The following KIF13A variants were observed in gnomAD, a reference collection of about 807,000 sequenced individuals.
KIF13A encodes the protein kinesin family member 13A, also known as kinesin-like protein KIF13A.
KIF13A carries 79 observed loss-of-function variants against 212.2 expected under a neutral mutation model. That is an observed-to-expected ratio of 0.37 (90% CI 0.31 to 0.45). KIF13A has a LOEUF of 0.45. Ranked by LOEUF, KIF13A falls within the 20% of genes least tolerant of loss-of-function variation. The pLI is 1.00. For synonymous variants in KIF13A, 789 were observed against 808.6 expected, an observed-to-expected ratio of 0.98 and a Z score of 0.41; for missense variants, 1,901 against 2,209.0, an observed-to-expected ratio of 0.86 and a Z score of 2.79.
chr6:17,873,072 G>C (rs977746441), intron 4 of KIF13A, among the ~76,000 whole-genome samples: 2 of 152,220 alleles, frequency 1.3e-5, no homozygotes, highest in African/African-American at 2.4e-5. Flanking sequence ...TCCTAGGAAA[G>C]CCTATGGTCA....
At chr6:17,851,885 A>G in intron 7 of KIF13A, 70 bp downstream of exon 7, 1 of 733,540 alleles carries the variant, frequency 1.4e-6, no homozygotes, top group Non-Finnish European at 2.1e-6. Flanking sequence ...CACATAAAAT[A>G]TACTCAGTAT....
In KIF13A at chr6:17,934,883, G is replaced by C. The variant is rs75321718; in HGVS notation, c.147-36703C>G. On this transcript the variant is annotated intron_variant, in intron 2 of 38. Transcript: ENST00000259711. This position sits in a 1 kb window ranked among gnomAD's most constrained non-coding sequence, Gnocchi z 5.4. ...GTAAAATGTGACTCAATTTTCACTA[G>C]TAATAACCAAACATATCAGTTTCAC... is the stretch of plus-strand genomic sequence containing the variant. Among the ~76,000 whole-genome samples the C allele has an allele frequency of 2.0e-5, 3 of 152,000 alleles. No individual in the cohort carries two copies. In the East Asian group the frequency reaches 5.8e-4, roughly 29 times the overall value.
intron 3 of KIF13A, among the ~76,000 whole-genome samples, chr6:17,878,877 A>C (rs916622766): frequency 2.0e-5 from 3 of 152,236 alleles, no homozygotes; most frequent in African/African-American, 4.8e-5. Flanking sequence ...ACTGATAGAT[A>C]CAACTGTTCT....
rs1774885379 is a variant in KIF13A, at chr6:17,919,762, A to T, written c.147-21582T>A. Reference sequence around the variant, plus strand: ...AGCCCAATACTGTGACAAGAGGTGAAAGCTGAGGGCAACCCAAGCCCCTTT... The same window carrying T: ...AGCCCAATACTGTGACAAGAGGTGATAGCTGAGGGCAACCCAAGCCCCTTT... On this transcript the variant is annotated intron_variant, in intron 2 of 38. Coordinates refer to ENST00000259711, the MANE Select transcript of KIF13A (RefSeq NM_022113.6). This position sits in a 1 kb window ranked among gnomAD's most constrained non-coding sequence, Gnocchi z 4.1. Among the ~76,000 whole-genome samples the T allele has an allele frequency of 6.6e-6, 1 of 152,210 alleles. No individual in the cohort carries two copies. The highest frequency in any genetic ancestry group is 2.4e-5 in the African/African-American group (1 of 41,454).
At chr6:17,806,305 T>C (rs188023342) in intron 18 of KIF13A, among the ~76,000 whole-genome samples, 3 of 152,320 alleles carry the variant, frequency 2.0e-5, no homozygotes, top group Admixed American at 1.3e-4. Flanking sequence ...TGAGTAATTA[T>C]TCTATTGTTT....
Position 17,764,987 on chromosome 6 carries a change from G to A in KIF13A, c.4582-41C>T. ...AAAAGTCAGTCATTAGCTCCTTGTA[G>A]CAACTGTACTGTTGAGACAAGTTTT... On this transcript the variant is annotated intron_variant, in intron 38 of 38. Transcript: ENST00000259711. The surrounding 1 kb of genome is among the most constrained non-coding windows in gnomAD (Gnocchi z 5.1). 6.9e-7 allele frequency: 1 copy of A among 1,449,434 alleles called. No homozygotes were observed. Among genetic ancestry groups the A allele is most frequent in the Middle Eastern group, 1.8e-4 (1 of 5,584 alleles). The allele number at this position is 1,449,434 out of a possible 1,614,324, so 89.8% of individuals were successfully genotyped here.
chr6:17,975,391 G>A (rs899311093), intron 2 of KIF13A, among the ~76,000 whole-genome samples: 1 of 152,110 alleles, frequency 6.6e-6, no homozygotes, highest in Admixed American at 6.5e-5. Flanking sequence ...CAAATCTTAA[G>A]TTGGCGCGTC....
At chr6:17,873,586 C>T (rs1270650386) in intron 3 of KIF13A, 149 bp from the exon 4 acceptor site, 1 of 611,582 alleles carries the variant, frequency 1.6e-6, no homozygotes, top group African/African-American at 1.9e-5. Flanking sequence ...TTTTGTTAAC[C>T]ATAAAATTTC....
At chr6:17,980,492 C>T (rs527860843) in intron 2 of KIF13A, among the ~76,000 whole-genome samples, 13 of 152,110 alleles carry the variant, frequency 8.5e-5, no homozygotes, top group African/African-American at 3.1e-4. Flanking sequence ...CCGCTCCAAG[C>T]CAAGAGGGCT....
At chr6:17,978,829 C>G (rs1435321516) in intron 2 of KIF13A, among the ~76,000 whole-genome samples, 1 of 152,134 alleles carries the variant, frequency 6.6e-6, no homozygotes, top group Non-Finnish European at 1.5e-5. Context: ...CTATTTCTAG[C>G]TGGATTTCAC....
At chr6:17,806,338 T>A (rs1301134303) in intron 18 of KIF13A, among the ~76,000 whole-genome samples, 6 of 152,204 alleles carry the variant, frequency 3.9e-5, no homozygotes, top group Admixed American at 6.5e-5. Flanking sequence ...GTTTCAAGGT[T>A]TTGCTATTAT....
intron 2 of KIF13A, chr6:17,950,488 C>A: frequency 1.0e-6 from 1 of 985,140 alleles, no homozygotes. Flanking sequence ...TACCTTCTTA[C>A]ACTCTTTAGG....
chr6:17,827,036 C>T (rs369825290), intron 14 of KIF13A, among the ~76,000 whole-genome samples: 10 of 150,312 alleles, frequency 6.7e-5, no homozygotes, highest in African/African-American at 2.2e-4. Context: ...TACTCCAGCC[C>T]GGGCAACAGA....
intron 2 of KIF13A, among the ~76,000 whole-genome samples, chr6:17,938,444 G>A (rs1027653010): frequency 6.6e-6 from 1 of 152,082 alleles, no homozygotes; most frequent in Admixed American, 6.6e-5. Context: ...AATCATGAAG[G>A]GCTTCATGAA....
rs779405488 is a variant in KIF13A, at chr6:17,837,466, G to C, written c.942+6C>G. The C allele has an allele frequency of 6.3e-7, 1 of 1,586,034 alleles. No individual in the cohort carries two copies. Among genetic ancestry groups the C allele is most frequent in the Non-Finnish European group, 8.6e-7 (1 of 1,160,728 alleles). On this transcript the variant is annotated splice_donor_region_variant and intron_variant, in intron 10 of 38. Coordinates refer to ENST00000259711, the MANE Select transcript of KIF13A (RefSeq NM_022113.6). The surrounding 1 kb of genome is among the most constrained non-coding windows in gnomAD (Gnocchi z 5.4). The stretch of plus-strand genomic sequence containing the variant: ...GTTGGAAAAGAACACTAGAGCAATG[G>C]ATTACCTTAAGCAGCCAAGTGAGGA...
At chr6:17,779,157 G>C in intron 32 of KIF13A, 58 bp from the exon 33 acceptor site, 1 of 1,492,416 alleles carries the variant, frequency 6.7e-7, no homozygotes, top group Non-Finnish European at 9.2e-7. Flanking sequence ...TTCATCCAAA[G>C]TGTGGTGAGA....
At chr6:17,782,160 C>G (rs1018156037) in intron 29 of KIF13A, among the ~76,000 whole-genome samples, 1 of 151,754 alleles carries the variant, frequency 6.6e-6, no homozygotes, top group African/African-American at 2.4e-5. Context: ...TGGTCTCAAT[C>G]TCTTGACCTC....
chr6:17,805,402 TGTGTG>T, intron 19 of KIF13A, 68 bp downstream of exon 19: 12 of 940,562 alleles, frequency 1.3e-5, no homozygotes, highest in Non-Finnish European at 2.0e-5. Context: ...TGTGTGTGTG[TGTGTG>T]TTGCTAAATC....
At chr6:17,939,779 G>A (rs557483094) in intron 2 of KIF13A, among the ~76,000 whole-genome samples, 412 of 152,228 alleles carry the variant, frequency 2.7e-3, no homozygotes, top group Non-Finnish European at 4.5e-3. Flanking sequence ...CTGGCCGGGC[G>A]TAGTGGCTCA....
Sources: gnomAD v4.1 joint callset for allele counts (sites outside exome capture counted in the v4.1 genomes callset) on GRCh38, gnomAD v4.1.1 for gene constraint, Gnocchi (gnomAD v3.1) non-coding constraint, MANE v1.5 for transcripts, NCBI Gene and HGNC (gene_info 2026-07-23, HGNC 2026-07-21) for gene names.